The following OPRM1 variants were observed in gnomAD, a reference collection of about 807,000 sequenced individuals.
OPRM1 encodes opioid receptor mu 1.
In OPRM1, 27 loss-of-function variants were observed where a neutral mutation model predicts 31.8. The observed-to-expected ratio is 0.85, with a 90% CI of 0.63 to 1.17. OPRM1 has a LOEUF of 1.17. Among genes scored for constraint, OPRM1 ranks in the 50% most tolerant of loss-of-function variants. The probability of loss-of-function intolerance (pLI) is 0.00; values close to 1 mark genes in which losing one functional copy is unlikely to be tolerated. For synonymous variants in OPRM1, 196 were observed against 189.9 expected (o/e 1.03, Z -0.26); for missense variants, 536 against 511.1 (o/e 1.05, Z -0.47).
chr6:154,167,471 TCC>T (rs1489314866), intron 3 of OPRM1, among the ~76,000 whole-genome samples: 1 of 152,188 alleles, frequency 6.6e-6, no homozygotes, highest in East Asian at 1.9e-4. Flanking sequence ...TCAAGACATT[TCC>T]TTCTGGATGC....
chr6:154,142,036 T>G (rs1295228039), intron 3 of OPRM1, among the ~76,000 whole-genome samples: 3 of 152,130 alleles, frequency 2.0e-5, no homozygotes, highest in Non-Finnish European at 4.4e-5. Flanking sequence ...CTCTCCAGAG[T>G]GCTCAAGCAT....
intron 3 of OPRM1, among the ~76,000 whole-genome samples, chr6:154,239,811 C>A (rs1583880792): frequency 6.6e-6 from 1 of 152,188 alleles, no homozygotes; most frequent in Non-Finnish European, 1.5e-5. Context: ...TCAAGCAATT[C>A]TCTTGCCTCA....
At chr6:154,099,957 T>G (rs181694511) in intron 3 of OPRM1, among the ~76,000 whole-genome samples, 1 of 142,400 alleles carries the variant, frequency 7.0e-6, no homozygotes, top group Non-Finnish European at 1.5e-5. Context: ...ATAACATATA[T>G]ATTATCATAT....
At chr6:154,246,783 T>C in exon 4 of OPRM1, 2 of 1,612,130 alleles carry the variant, frequency 1.2e-6, no homozygotes, top group Non-Finnish European at 1.7e-6. Flanking sequence ...CATGAAGAGG[T>C]AGATAATGTA....
chr6:154,144,748 CAAAAAAAAAAAA>C (rs58367883), intron 3 of OPRM1, among the ~76,000 whole-genome samples: 1 of 70,504 alleles, frequency 1.4e-5, no homozygotes, highest in African/African-American at 5.2e-5. Context: ...GACTCTGTCT[CAAAAAAAAAAAA>C]AAAAAAAAAA....
chr6:154,100,186 GACATATCATA>G lies in OPRM1; in HGVS notation c.1164+8716_1164+8725del, dbSNP rs1794551323. ...ATCATAATATATATTATCATATTAT[GACATATCATA>G]ATATATATTATCATATTATGACATA... On this transcript the variant is annotated intron_variant, in intron 3 of 3. Coordinates refer to ENST00000330432, the MANE Select transcript of OPRM1 (RefSeq NM_000914.5). Among the ~76,000 whole-genome samples the G allele has an allele frequency of 3.5e-5, 4 of 112,874 alleles. 1 individual carries two copies. Among genetic ancestry groups the G allele is most frequent in the African/African-American group, 1.4e-4 (4 of 29,012 alleles). 74.0% of individuals were successfully genotyped at this position (112,874 alleles called of 152,430 possible). A position where few individuals can be genotyped will look rare whatever the true frequency, so the allele number is the denominator to read the frequency against.
At chr6:154,237,817 T>C (rs965557269) in intron 3 of OPRM1, among the ~76,000 whole-genome samples, 1 of 152,132 alleles carries the variant, frequency 6.6e-6, no homozygotes, top group Non-Finnish European at 1.5e-5. Context: ...TTTATACACA[T>C]GCATATCTAT....
intron 1 of OPRM1, among the ~76,000 whole-genome samples, chr6:154,016,636 A>G (rs574254368): frequency 1.3e-5 from 2 of 152,348 alleles, no homozygotes; most frequent in Non-Finnish European, 2.9e-5. Context: ...TGTAATTTAT[A>G]GAAGTGAATT....
At chr6:154,141,834 C>T (rs1798220106) in intron 3 of OPRM1, among the ~76,000 whole-genome samples, 1 of 150,426 alleles carries the variant, frequency 6.6e-6, no homozygotes, top group African/African-American at 2.5e-5. Flanking sequence ...CACTGGGAGG[C>T]AGGTTTGCCC....
intron 1 of OPRM1, among the ~76,000 whole-genome samples, chr6:154,022,960 A>G (rs1778465939): frequency 1.3e-5 from 2 of 152,118 alleles, no homozygotes; most frequent in South Asian, 4.1e-4. Flanking sequence ...TTAGCTCTGT[A>G]GTACAATTTG....
intron 3 of OPRM1, among the ~76,000 whole-genome samples, chr6:154,100,295 A>ATATTATCATAT (rs1210734649): frequency 1.9e-3 from 281 of 149,740 alleles, no homozygotes; most frequent in East Asian, 2.9e-3. Flanking sequence ...ATCATAATAT[A>ATATTATCATAT]TATCAAAAAG....
intron 3 of OPRM1, among the ~76,000 whole-genome samples, chr6:154,152,323 GAA>G (rs1301926440): frequency 9.5e-5 from 3 of 31,684 alleles, no homozygotes; most frequent in African/African-American, 3.2e-4. Flanking sequence ...AAGAAAGAAA[GAA>G]AGAAAGAAAG....
In OPRM1 at chr6:154,141,326, G is replaced by T. The variant is rs540093571; in HGVS notation, c.1164+49854G>T. On this transcript the variant is annotated intron_variant, in intron 3 of 3. Coordinates refer to the OPRM1 transcript ENST00000337049. ...GGTTAGCTTACCCCTAAGTCTCAGT[G>T]CTCTATCCCCTAGGTCTGTCATGCC... Among the ~76,000 whole-genome samples, 406 of 152,250 alleles carry T rather than the reference G, an allele frequency of 2.7e-3. 11 individuals carry two copies. The highest frequency in any genetic ancestry group is 4.7e-4 in the Non-Finnish European group (32 of 68,020).
chr6:154,171,606 G>A (rs998846899), intron 3 of OPRM1, among the ~76,000 whole-genome samples: 4 of 152,200 alleles, frequency 2.6e-5, no homozygotes, highest in Non-Finnish European at 4.4e-5. Flanking sequence ...ACTTTCATGT[G>A]TGAATGTTAT....
rs548149831 is a variant in OPRM1, at chr6:154,123,515, C to T, written c.*4794C>T. Among the ~76,000 whole-genome samples the T allele has an allele frequency of 4.9e-4, 75 of 152,292 alleles. No individual in the cohort carries two copies. Among genetic ancestry groups the T allele is most frequent in the African/African-American group, 1.6e-3 (67 of 41,566 alleles). ...TAACTGATTGGTCCTTTTCTTCTCCCTGAAAAGCAAGTTTATTAAGAAAGC... is the reference window on the plus strand; with the variant it reads ...TAACTGATTGGTCCTTTTCTTCTCCTTGAAAAGCAAGTTTATTAAGAAAGC... On this transcript the variant is annotated 3_prime_UTR_variant, in exon 4 of 4. Transcript: ENST00000330432.
chr6:154,062,034 C>T (rs1044452594), intron 1 of OPRM1, among the ~76,000 whole-genome samples: 6 of 151,962 alleles, frequency 3.9e-5, no homozygotes, highest in Admixed American at 2.6e-4. Context: ...ACTTTGATCA[C>T]GAAGTTAGAG....
At chr6:154,103,490 T>C (rs1583560794) in intron 3 of OPRM1, among the ~76,000 whole-genome samples, 1 of 152,330 alleles carries the variant, frequency 6.6e-6, no homozygotes, top group Admixed American at 6.5e-5. Flanking sequence ...TGACAAGCTC[T>C]TACTAATTTC....
chr6:154,208,302 C>G (rs1452986685), intron 3 of OPRM1, among the ~76,000 whole-genome samples: 1 of 152,164 alleles, frequency 6.6e-6, no homozygotes, highest in East Asian at 1.9e-4. Flanking sequence ...CTCACTGTTC[C>G]CTTTGCTTGG....
At chr6:154,066,928 T>C (rs1205040210) in intron 1 of OPRM1, among the ~76,000 whole-genome samples, 2 of 152,172 alleles carry the variant, frequency 1.3e-5, no homozygotes, top group Admixed American at 6.5e-5. Flanking sequence ...AACTTGGTCA[T>C]TTCATCCAGA....
Sources: allele counts gnomAD v4.1 joint callset (sites outside exome capture counted in the v4.1 genomes callset), GRCh38; gene constraint gnomAD v4.1.1; transcripts MANE v1.5; gene names NCBI Gene and HGNC (gene_info 2026-07-23, HGNC 2026-07-21).